The following KIDINS220 variants were observed in gnomAD, a reference collection of about 807,000 sequenced individuals.
The protein encoded by KIDINS220 is kinase D-interacting substrate of 220 kDa.
Under a neutral mutation model 157.6 loss-of-function variants are expected in KIDINS220, and 63 were observed. That is an observed-to-expected ratio of 0.40 (90% CI 0.33 to 0.49). The LOEUF is 0.49. KIDINS220 is among the 20% of genes least tolerant of loss of function. The pLI is 0.66. For missense variants in KIDINS220, 1,772 were observed against 2,171.2 expected (o/e 0.82, Z 3.65); for synonymous variants, 732 against 783.6 (o/e 0.93, Z 1.10).
intron 2 of KIDINS220, among the ~76,000 whole-genome samples, chr2:8,826,387 T>C (rs1572827053): frequency 6.6e-6 from 1 of 152,254 alleles, no homozygotes; most frequent in South Asian, 2.1e-4. Flanking sequence ...GGTGGGCGGA[T>C]CAACTGAGGT....
At chr2:8,733,968 G>C (rs62104370) in intron 28 of KIDINS220, among the ~76,000 whole-genome samples, 7,934 of 152,268 alleles carry the variant, frequency 0.052, 312 homozygotes, top group Non-Finnish European at 0.084. Flanking sequence ...GAAAAATGCA[G>C]CTGGCTTGTG....
intron 15 of KIDINS220, 62 bp from the exon 16 acceptor site, chr2:8,786,419 T>A: frequency 7.8e-7 from 1 of 1,287,082 alleles, no homozygotes; most frequent in East Asian, 2.3e-5. Flanking sequence ...AACTTCAATG[T>A]ATGTCATCTT....
chr2:8,751,852 G>A (rs1183013910), intron 22 of KIDINS220, among the ~76,000 whole-genome samples: 1 of 151,786 alleles, frequency 6.6e-6, no homozygotes, highest in Non-Finnish European at 1.5e-5. Flanking sequence ...TTACAGGTGT[G>A]CACTACCATG....
At chr2:8,805,650 C>T (rs77147071) in intron 7 of KIDINS220, among the ~76,000 whole-genome samples, 48 of 152,232 alleles carry the variant, frequency 3.2e-4, no homozygotes, top group African/African-American at 1.2e-3. Context: ...CAGCCAGGAA[C>T]CACGGACAAA....
Position 8,730,638 on chromosome 2 carries a change from G to C in KIDINS220, c.*82C>G. The C allele has an allele frequency of 2.7e-6, 4 of 1,504,122 alleles. No homozygotes were observed. The highest frequency in any genetic ancestry group is 1.4e-5 in the South Asian group (1 of 72,940). 93.2% of individuals were successfully genotyped at this position (1,504,122 alleles called of 1,614,324 possible). A position where few individuals can be genotyped will look rare whatever the true frequency, so the allele number is the denominator to read the frequency against. On this transcript the variant is annotated 3_prime_UTR_variant, in exon 30 of 30. Transcript: ENST00000256707. Reference sequence around the variant, plus strand: ...TTATCTGTCAGCAAAATGTAGAAAGGTGATGGGCGTGGATGGAGTCAAAAT... The same window carrying C: ...TTATCTGTCAGCAAAATGTAGAAAGCTGATGGGCGTGGATGGAGTCAAAAT...
In KIDINS220 at chr2:8,786,351, C is replaced by T. The variant is rs768989310; in HGVS notation, c.1794G>A (p.Leu598=). The part of the protein sequence containing the change: ...QTTKALPVRF[L]FTDYNRLSSV... Reference sequence around the variant, plus strand: ...TGGACAGTCTATTGTAATCTGTAAACAAAAACCTTGAAGAAAAGAACAAAT... The same window carrying T: ...TGGACAGTCTATTGTAATCTGTAAATAAAAACCTTGAAGAAAAGAACAAAT... Residue 598 remains leucine, a synonymous_variant, in exon 16 of 30, where the codon TTG becomes TTA. Coordinates refer to ENST00000256707, the MANE Select transcript of KIDINS220 (RefSeq NM_020738.4). The T allele has an allele frequency of 1.2e-6, 2 of 1,610,672 alleles. No individual in the cohort carries two copies. The highest frequency in any genetic ancestry group is 4.5e-5 in the East Asian group (2 of 44,854).
chr2:8,729,445 C>A lies in KIDINS220; in HGVS notation c.*1275G>T. The A allele has an allele frequency of 1.0e-6, 1 of 985,408 alleles. No individual in the cohort carries two copies. Among genetic ancestry groups the A allele is most frequent in the Non-Finnish European group, 1.2e-6 (1 of 829,894 alleles). 61.0% of individuals were successfully genotyped at this position (985,408 alleles called of 1,614,324 possible). A position where few individuals can be genotyped will look rare whatever the true frequency, so the allele number is the denominator to read the frequency against. ...CCAGAATTCATTCTACATAAATGAGCTATGTTAAAACGATAACAATATTTC... is the reference window on the plus strand; with the variant it reads ...CCAGAATTCATTCTACATAAATGAGATATGTTAAAACGATAACAATATTTC... On this transcript the variant is annotated 3_prime_UTR_variant, in exon 30 of 30. Coordinates refer to ENST00000256707, the MANE Select transcript of KIDINS220 (RefSeq NM_020738.4).
intron 4 of KIDINS220, 136 bp from the exon 5 acceptor site, chr2:8,813,471 A>G: frequency 1.7e-6 from 1 of 588,624 alleles, no homozygotes; most frequent in South Asian, 2.8e-5. Context: ...ATAGTTCTAA[A>G]TTCCCAGGCT....
chr2:8,816,630 G>A (rs963566879), intron 4 of KIDINS220, among the ~76,000 whole-genome samples: 5 of 152,098 alleles, frequency 3.3e-5, no homozygotes, highest in Admixed American at 1.3e-4. Flanking sequence ...TTGAGAACTC[G>A]ATAACTCCCT....
chr2:8,749,772 C>T (rs1667052821), intron 24 of KIDINS220, among the ~76,000 whole-genome samples: 1 of 151,916 alleles, frequency 6.6e-6, no homozygotes, highest in Admixed American at 6.6e-5. Flanking sequence ...AACTATTATA[C>T]AAGATATAAC....
At chr2:8,735,259 C>T (rs370443601) in intron 27 of KIDINS220, among the ~76,000 whole-genome samples, 20 of 152,292 alleles carry the variant, frequency 1.3e-4, no homozygotes, top group Non-Finnish European at 1.9e-4. Flanking sequence ...AGGCCCGGCG[C>T]GGTGGCTCAC....
intron 4 of KIDINS220, among the ~76,000 whole-genome samples, chr2:8,815,801 A>T (rs967106610): frequency 2.0e-5 from 3 of 152,246 alleles, no homozygotes; most frequent in Non-Finnish European, 4.4e-5. Context: ...GTGTAGCTTT[A>T]TATTTCATGA....
chr2:8,726,838 A>T, downstream of KIDINS220: 2 of 964,164 alleles, frequency 2.1e-6, no homozygotes, highest in Non-Finnish European at 2.9e-6. Context: ...AAAACGTCCT[A>T]ACGTGGCATA....
rs1052370530 is a variant in KIDINS220, at chr2:8,832,954, T to C, written c.-37+4526A>G. Among the ~76,000 whole-genome samples, 10 of 152,210 alleles carry C rather than the reference T, an allele frequency of 6.6e-5. 1 individual carries two copies. The highest frequency in any genetic ancestry group is 2.9e-5 in the Non-Finnish European group (2 of 68,042). On this transcript the variant is annotated intron_variant, in intron 1 of 29. Transcript: ENST00000256707. ...ATGTTTATGGGGTATGTGTAATATT[T>C]GGATTACATGCATAGGATGTGTGAT...
At chr2:8,823,433 TA>T (rs35736601) in intron 2 of KIDINS220, among the ~76,000 whole-genome samples, 262 of 127,192 alleles carry the variant, frequency 2.1e-3, no homozygotes, top group Non-Finnish European at 2.2e-3. Flanking sequence ...AGCAAAATGC[TA>T]AAAAAAAAAA....
intron 26 of KIDINS220, among the ~76,000 whole-genome samples, chr2:8,737,717 A>G (rs1417196844): frequency 6.6e-6 from 1 of 152,224 alleles, no homozygotes; most frequent in African/African-American, 2.4e-5. Flanking sequence ...ATACTAACAA[A>G]CCAGTTGTCC....
intron 22 of KIDINS220, among the ~76,000 whole-genome samples, chr2:8,760,847 G>C (rs1164734272): frequency 6.6e-6 from 1 of 152,092 alleles, no homozygotes; most frequent in African/African-American, 2.4e-5. Flanking sequence ...GGGAGTACAA[G>C]TCTAAAAAAT....
intron 8 of KIDINS220, among the ~76,000 whole-genome samples, chr2:8,802,348 A>G (rs1404231507): frequency 2.0e-5 from 3 of 152,212 alleles, no homozygotes; most frequent in African/African-American, 7.2e-5. Flanking sequence ...CAGTGGCTTC[A>G]GCTGGGAAGT....
At position 8,818,727 on chromosome 2, in the gene KIDINS220, T is replaced by C; in HGVS notation, c.175A>G (p.Lys59Glu). The C allele has an allele frequency of 6.2e-7, 1 of 1,606,174 alleles. No individual in the cohort carries two copies. Among genetic ancestry groups the C allele is most frequent in the Non-Finnish European group, 8.5e-7 (1 of 1,173,880 alleles). The change falls in exon 3 of 30, where the codon AAG (lysine) becomes GAG (glutamate). Residue 59 changes from lysine to glutamate, a missense_variant. By Grantham distance (56) the Lys-to-Glu change is moderately conservative. Transcript: ENST00000256707. ...TCCAGATTGCAGTTAGCTCCATTCTTAATTAATTCCTTCACTATTTCCAGA... is the reference window on the plus strand; with the variant it reads ...TCCAGATTGCAGTTAGCTCCATTCTCAATTAATTCCTTCACTATTTCCAGA... ...GNLEIVKELI[K>E]NGANCNLEDL...
Sources: allele counts gnomAD v4.1 joint callset (sites outside exome capture counted in the v4.1 genomes callset), GRCh38; gene constraint gnomAD v4.1.1; transcripts MANE v1.5; gene names NCBI Gene and HGNC (gene_info 2026-07-23, HGNC 2026-07-21).